The following SHROOM3 variants were observed in gnomAD, a reference collection of about 807,000 sequenced individuals.
SHROOM3 encodes the protein shroom family member 3, also known as protein Shroom3.
Under a neutral mutation model 138.6 loss-of-function variants are expected in SHROOM3, and 47 were observed. The ratio of observed to expected loss-of-function variants is 0.34; its 90% CI spans 0.27 to 0.43. The LOEUF (loss-of-function observed/expected upper bound fraction) is 0.43, where lower values mean the gene tolerates loss of function less well. Among genes scored for constraint, SHROOM3 ranks in the 20% least tolerant of loss-of-function variants. The probability of loss-of-function intolerance (pLI) is 1.00; values close to 1 mark genes in which losing one functional copy is unlikely to be tolerated. For synonymous variants in SHROOM3, 1,062 were observed against 1,063.3 expected (o/e 1.00, Z 0.02); for missense variants, 2,491 against 2,596.5 (o/e 0.96, Z 0.88).
At chr4:76,631,204 T>C (rs1269797375) in intron 2 of SHROOM3, among the ~76,000 whole-genome samples, 2 of 20,328 alleles carry the variant, frequency 9.8e-5, no homozygotes, top group Non-Finnish European at 1.6e-4. Flanking sequence ...TTTTTTAATC[T>C]TTTTTTTTTT....
In SHROOM3 at chr4:76,781,524, A is replaced by G. The variant is rs1722737393; in HGVS notation, c.*2347A>G. On this transcript the variant is annotated 3_prime_UTR_variant, in exon 11 of 11. Transcript: ENST00000296043. Reference sequence around the variant, plus strand: ...CCACAAACATCTGAAAGCTTGTGACACTCCTAGGATTGTGTCCATTCTTTC... The same window carrying G: ...CCACAAACATCTGAAAGCTTGTGACGCTCCTAGGATTGTGTCCATTCTTTC... 6.6e-6 allele frequency: 1 copy of G among 152,010 alleles called. No homozygotes were observed. Among genetic ancestry groups the G allele is most frequent in the Non-Finnish European group, 1.5e-5 (1 of 68,004 alleles). The allele number at this position is 152,010 out of a possible 1,614,324, so 9.4% of individuals were successfully genotyped here. A position where few individuals can be genotyped will look rare whatever the true frequency, so the allele number is the denominator to read the frequency against.
intron 1 of SHROOM3, among the ~76,000 whole-genome samples, chr4:76,471,246 CT>C (rs1310668142): frequency 0.042 from 5,918 of 141,344 alleles, 111 homozygotes; most frequent in Middle Eastern, 0.07. Flanking sequence ...TCCTTTCTTT[CT>C]TTTTTTTTTT....
In SHROOM3 at chr4:76,741,655, C is replaced by G; in HGVS notation, c.3482C>G (p.Ala1161Gly). 1 of 1,548,304 alleles carries G rather than the reference C, an allele frequency of 6.5e-7. No individual in the cohort carries two copies. The highest frequency in any genetic ancestry group is 1.2e-5 in the South Asian group (1 of 84,478). Residue 1161 changes from alanine to glycine, a missense_variant, in exon 5 of 11, where the codon GCA (alanine) becomes GGA (glycine). By Grantham distance (60) the Ala-to-Gly change is moderately conservative. Transcript: ENST00000296043. This position sits in a 1 kb window ranked among gnomAD's most constrained non-coding sequence, Gnocchi z 6.2. ...REATLLPATV[A>G]ETQQAPRDRS... ...GCCACGCTCCTGCCGGCCACAGTTG[C>G]AGAAACCCAGCAGGCTCCCCGAGAT...
chr4:76,676,696 C>T (rs958192686), intron 2 of SHROOM3, among the ~76,000 whole-genome samples: 2 of 152,030 alleles, frequency 1.3e-5, no homozygotes, highest in Non-Finnish European at 2.9e-5. Context: ...GGTAATTATT[C>T]GACTCATTAA....
chr4:76,496,571 G>A (rs910189911), intron 1 of SHROOM3, among the ~76,000 whole-genome samples: 1 of 152,162 alleles, frequency 6.6e-6, no homozygotes, highest in Admixed American at 6.5e-5. Context: ...TCCCAGTCAG[G>A]AGAGTTCCAC....
intron 1 of SHROOM3, among the ~76,000 whole-genome samples, chr4:76,527,234 C>T (rs1401831032): frequency 1.3e-5 from 2 of 152,134 alleles, no homozygotes; most frequent in Admixed American, 1.3e-4. Flanking sequence ...TTTTTCCCTT[C>T]ATAAAATTTG....
intron 4 of SHROOM3, among the ~76,000 whole-genome samples, chr4:76,735,483 G>C (rs147755478): frequency 2.2e-4 from 34 of 152,004 alleles, no homozygotes; most frequent in African/African-American, 8.2e-4. Context: ...CTATACCCTT[G>C]CACTGGTCTG....
chr4:76,435,899 A>G lies in SHROOM3; in HGVS notation c.-154A>G. 1 of 670,286 alleles carries G rather than the reference A, an allele frequency of 1.5e-6. No homozygotes were observed. Among genetic ancestry groups the G allele is most frequent in the Non-Finnish European group, 2.5e-6 (1 of 403,310 alleles). 41.5% of individuals were successfully genotyped at this position (670,286 alleles called of 1,614,324 possible). ...TCAGCATCTTGGAGTTCAGCTTGGA[A>G]GAACATTTTACGTATGGAAGAATTT... On this transcript the variant is annotated 5_prime_UTR_variant, in exon 1 of 11. Transcript: ENST00000296043.
At chr4:76,479,602 C>T (rs1731562419) in intron 1 of SHROOM3, among the ~76,000 whole-genome samples, 1 of 152,026 alleles carries the variant, frequency 6.6e-6, no homozygotes, top group South Asian at 2.1e-4. Flanking sequence ...CAAGACAGGC[C>T]AACATTCAAA....
rs575276940 is a variant in SHROOM3 at position 76,464,107 on chromosome 4, C to T, written c.168+27887C>T. Among the ~76,000 whole-genome samples, 29 of 152,308 alleles carry T rather than the reference C, an allele frequency of 1.9e-4. No homozygotes were observed. In the South Asian group the frequency reaches 4.6e-3, roughly 24 times the overall value. On this transcript the variant is annotated intron_variant, in intron 1 of 10. Transcript: ENST00000296043. ...CCACTAACAGCCTGCACTGTGCACC[C>T]GGAAATGCCACAGTCACTCAACACC... is the stretch of plus-strand genomic sequence containing the variant.
intron 1 of SHROOM3, among the ~76,000 whole-genome samples, chr4:76,496,089 G>A (rs1252503201): frequency 6.6e-6 from 1 of 152,222 alleles, no homozygotes; most frequent in Non-Finnish European, 1.5e-5. Flanking sequence ...CTAGGCTAGT[G>A]TGTTGAGAGT....
At chr4:76,712,698 A>G (rs1720262450) in intron 3 of SHROOM3, among the ~76,000 whole-genome samples, 1 of 152,206 alleles carries the variant, frequency 6.6e-6, no homozygotes, top group Admixed American at 6.5e-5. Flanking sequence ...TTTACTCTTC[A>G]TACACTAAGA....
intron 3 of SHROOM3, among the ~76,000 whole-genome samples, chr4:76,713,236 CTTT>C (rs150082382): frequency 0.011 from 1,657 of 152,312 alleles, 32 homozygotes; most frequent in African/African-American, 0.038. Context: ...ATATTTGACT[CTTT>C]TGTATTAACA....
chr4:76,503,926 C>T (rs1732151500), intron 1 of SHROOM3, among the ~76,000 whole-genome samples: 1 of 152,014 alleles, frequency 6.6e-6, no homozygotes, highest in Admixed American at 6.6e-5. Flanking sequence ...TTAAGATGTC[C>T]AACCCTGTTT....
chr4:76,582,910 C>T (rs1734078894), intron 2 of SHROOM3, among the ~76,000 whole-genome samples: 1 of 152,130 alleles, frequency 6.6e-6, no homozygotes. Flanking sequence ...AGCACTGCTT[C>T]CAGATTAGAT....
intron 1 of SHROOM3, among the ~76,000 whole-genome samples, chr4:76,457,796 T>A (rs975594674): frequency 2.0e-5 from 3 of 150,928 alleles, no homozygotes; most frequent in Non-Finnish European, 3.0e-5. Context: ...GGCTTTTCTT[T>A]TCTTTTTTTT....
At chr4:76,479,153 G>A (rs1378604550) in intron 1 of SHROOM3, among the ~76,000 whole-genome samples, 1 of 151,818 alleles carries the variant, frequency 6.6e-6, no homozygotes, top group Non-Finnish European at 1.5e-5. Flanking sequence ...ACAGAAGTAG[G>A]GTACAGAAGG....
At chr4:76,578,499 T>C (rs951170678) in intron 2 of SHROOM3, among the ~76,000 whole-genome samples, 1 of 152,210 alleles carries the variant, frequency 6.6e-6, no homozygotes, top group Non-Finnish European at 1.5e-5. Context: ...GAGTTTACCA[T>C]CATTCTTTTT....
chr4:76,652,590 A>G (rs1368403912), intron 2 of SHROOM3, among the ~76,000 whole-genome samples: 1 of 152,214 alleles, frequency 6.6e-6, no homozygotes, highest in Non-Finnish European at 1.5e-5. Context: ...CTCCTGCCTT[A>G]ACTGTGCTAT....
Sources: allele counts gnomAD v4.1 joint callset (sites outside exome capture counted in the v4.1 genomes callset), GRCh38; gene constraint gnomAD v4.1.1; non-coding constraint Gnocchi (gnomAD v3.1); transcripts MANE v1.5; gene names NCBI Gene and HGNC (gene_info 2026-07-23, HGNC 2026-07-21).